Variants in RGS7 observed in about 807,000 individuals in gnomAD.
The protein encoded by RGS7 is regulator of G protein signaling 7, also known as regulator of G-protein signaling 7.
RGS7 carries 27 observed loss-of-function variants against 81.1 expected under a neutral mutation model. That is an observed-to-expected ratio of 0.33 (90% confidence interval 0.25 to 0.46). The LOEUF (loss-of-function observed/expected upper bound fraction) is 0.46, where lower values mean the gene tolerates loss of function less well. Ranked by LOEUF, RGS7 falls within the 20% of genes least tolerant of loss-of-function variation. RGS7 has a pLI of 1.00. For synonymous variants in RGS7, 208 were observed against 207.7 expected, an observed-to-expected ratio of 1.00 and a Z score of -0.01; for missense variants, 396 against 607.4, an observed-to-expected ratio of 0.65 and a Z score of 3.66.
intron 2 of RGS7, among the ~76,000 whole-genome samples, chr1:241,152,977 A>G (rs2068860634): frequency 6.6e-6 from 1 of 152,216 alleles, no homozygotes; most frequent in Admixed American, 6.5e-5. Context: ...TGATCAGGTC[A>G]CTTACTGAAT....
intron 18 of RGS7, among the ~76,000 whole-genome samples, chr1:240,790,140 G>A (rs1051780186): frequency 2.0e-5 from 3 of 152,066 alleles, no homozygotes; most frequent in Non-Finnish European, 2.9e-5. Context: ...GCTGAAGCAG[G>A]AGAATCACTT....
At chr1:241,273,964 C>T (rs1026618334) in intron 2 of RGS7, among the ~76,000 whole-genome samples, 2 of 152,170 alleles carry the variant, frequency 1.3e-5, no homozygotes, top group African/African-American at 4.8e-5. Flanking sequence ...TCATATGCAG[C>T]CACCAAAAGT....
chr1:241,128,517 G>A (rs1259027863), intron 2 of RGS7, among the ~76,000 whole-genome samples: 1 of 151,708 alleles, frequency 6.6e-6, no homozygotes, highest in African/African-American at 2.4e-5. Flanking sequence ...AACCCGGGGC[G>A]GAGGTTACAG....
intron 6 of RGS7, among the ~76,000 whole-genome samples, chr1:240,891,156 G>T (rs2148144643): frequency 6.6e-6 from 1 of 152,064 alleles, no homozygotes; most frequent in East Asian, 1.9e-4. Context: ...CTCTGAGCCA[G>T]ATTCCTGAAA....
intron 2 of RGS7, among the ~76,000 whole-genome samples, chr1:241,258,172 T>C (rs577467177): frequency 2.0e-5 from 3 of 152,306 alleles, no homozygotes; most frequent in African/African-American, 4.8e-5. Flanking sequence ...TTATGGAAGC[T>C]GGAAAGATTT....
chr1:241,213,980 G>A (rs1013772800), intron 2 of RGS7, among the ~76,000 whole-genome samples: 2 of 152,010 alleles, frequency 1.3e-5, no homozygotes, highest in African/African-American at 4.8e-5. Flanking sequence ...TGCTCAGGCT[G>A]GTCTCAAACT....
intron 6 of RGS7, among the ~76,000 whole-genome samples, chr1:240,907,972 T>C (rs1198619974): frequency 6.6e-6 from 1 of 152,196 alleles, no homozygotes; most frequent in Non-Finnish European, 1.5e-5. Flanking sequence ...TATTTTTATT[T>C]TTTAATTTTC....
Position 240,936,711 on chromosome 1 carries a change from T to C in RGS7, c.227-5A>G. Reference sequence around the variant, plus strand: ...TTCCCAAATGGAGCGCCTCCACTGTTTTATGAAAACAAACAAAGAACATAA... The same window carrying C: ...TTCCCAAATGGAGCGCCTCCACTGTCTTATGAAAACAAACAAAGAACATAA... On this transcript the variant is annotated splice_polypyrimidine_tract_variant and splice_region_variant and intron_variant, in intron 4 of 18. Coordinates refer to ENST00000440928, the MANE Select transcript of RGS7 (RefSeq NM_001364886.1). 1 of 1,606,952 alleles carries C rather than the reference T, an allele frequency of 6.2e-7. No individual in the cohort carries two copies. Among genetic ancestry groups the C allele is most frequent in the Non-Finnish European group, 8.5e-7 (1 of 1,173,526 alleles).
chr1:241,305,951 G>C (rs1367939148), intron 2 of RGS7: 1 of 160,634 alleles, frequency 6.2e-6, no homozygotes, highest in Non-Finnish European at 1.4e-5. Context: ...AAGGAAAAAG[G>C]TGTAGAAAGG....
At chr1:240,792,580 C>T (rs1319450283) in intron 18 of RGS7, among the ~76,000 whole-genome samples, 1 of 152,132 alleles carries the variant, frequency 6.6e-6, no homozygotes, top group African/African-American at 2.4e-5. Context: ...CCTGCAGGGC[C>T]CCACTGTTTA....
chr1:240,802,844 C>T (rs922138714), intron 16 of RGS7, 60 bp downstream of exon 16: 2 of 1,080,808 alleles, frequency 1.9e-6, no homozygotes, highest in East Asian at 2.4e-5. Flanking sequence ...GAGGTAATTA[C>T]TCCAAATAAT....
In RGS7 at chr1:240,868,776, T is replaced by C; in HGVS notation, c.527A>G (p.Lys176Arg). The C allele has an allele frequency of 6.2e-7, 1 of 1,613,872 alleles. No individual in the cohort carries two copies. Among genetic ancestry groups the C allele is most frequent in the Non-Finnish European group, 8.5e-7 (1 of 1,179,946 alleles). The change falls in exon 8 of 19, where the codon AAA becomes AGA. Residue 176 changes from lysine to arginine, a missense_variant and splice_region_variant. Physicochemically the swap from Lys to Arg is conservative, Grantham distance 26 (BLOSUM62 2). Coordinates refer to ENST00000440928, the MANE Select transcript of RGS7 (RefSeq NM_001364886.1). This position sits in a 1 kb window ranked among gnomAD's most constrained non-coding sequence, Gnocchi z 5.1. ...FIFMQAEAQA[K>R]VDKKRDKIER... ...TTCCAAACGACTCACAAGGACTCACTTTGCTTGTGCTTCTGCTTGCATGAA... is the reference window on the plus strand; with the variant it reads ...TTCCAAACGACTCACAAGGACTCACCTTGCTTGTGCTTCTGCTTGCATGAA...
intron 2 of RGS7, among the ~76,000 whole-genome samples, chr1:241,132,561 A>G (rs1008012364): frequency 6.6e-6 from 1 of 151,154 alleles, no homozygotes; most frequent in Non-Finnish European, 1.5e-5. Context: ...GAAATAATCA[A>G]TACAGTTGTC....
At chr1:241,104,398 C>T (rs1353622979) in intron 2 of RGS7, among the ~76,000 whole-genome samples, 1 of 151,912 alleles carries the variant, frequency 6.6e-6, no homozygotes, top group Non-Finnish European at 1.5e-5. Context: ...CATGTTGGCC[C>T]CTGCAAGACA....
chr1:241,004,781 G>A, intron 3 of RGS7, among the ~76,000 whole-genome samples: 1 of 152,118 alleles, frequency 6.6e-6, no homozygotes, highest in East Asian at 1.9e-4. Flanking sequence ...CTGGACTGGG[G>A]GTCTTAGGAC....
intron 3 of RGS7, among the ~76,000 whole-genome samples, chr1:241,046,302 A>AC (rs1553399798): frequency 1.3e-3 from 24 of 18,054 alleles, no homozygotes; most frequent in African/African-American, 2.0e-3. Flanking sequence ...TTCAGCCCTG[A>AC]CCCCCCCCCC....
intron 3 of RGS7, among the ~76,000 whole-genome samples, chr1:241,075,307 C>T (rs1410284931): frequency 1.3e-5 from 2 of 152,058 alleles, no homozygotes; most frequent in Non-Finnish European, 2.9e-5. Flanking sequence ...AGGCTTAAGA[C>T]TAACATAAGA....
intron 6 of RGS7, among the ~76,000 whole-genome samples, chr1:240,927,453 T>C (rs777587828): frequency 1.3e-5 from 2 of 152,216 alleles, no homozygotes; most frequent in African/African-American, 2.4e-5. Flanking sequence ...GTTACTGTGC[T>C]TTGGACTTCA....
chr1:241,159,457 T>G (rs557123810), intron 2 of RGS7, among the ~76,000 whole-genome samples: 5 of 152,182 alleles, frequency 3.3e-5, no homozygotes, highest in African/African-American at 1.2e-4. Flanking sequence ...GTAGGAACTT[T>G]CCAAATTCTC....
Sources: allele counts gnomAD v4.1 joint callset (sites outside exome capture counted in the v4.1 genomes callset), GRCh38; gene constraint gnomAD v4.1.1; non-coding constraint Gnocchi (gnomAD v3.1); transcripts MANE v1.5; gene names NCBI Gene and HGNC (gene_info 2026-07-23, HGNC 2026-07-21).